Variants in ENAH observed in about 807,000 individuals in gnomAD.
ENAH encodes ENAH actin regulator.
ENAH carries 23 observed loss-of-function variants against 78.7 expected under a neutral mutation model. That is an observed-to-expected ratio of 0.29 (90% CI 0.21 to 0.41). The LOEUF (loss-of-function observed/expected upper bound fraction) is 0.41. Ranked by LOEUF, ENAH falls within the 10% of genes least tolerant of loss-of-function variation. ENAH has a pLI of 1.00. For missense variants in ENAH, 544 were observed against 691.0 expected (o/e 0.79, Z 2.39); for synonymous variants, 226 against 241.0 (o/e 0.94, Z 0.58).
At chr1:225,634,538 C>G (rs191892067) in intron 1 of ENAH, among the ~76,000 whole-genome samples, 139 of 152,300 alleles carry the variant, frequency 9.1e-4, no homozygotes, top group Non-Finnish European at 1.7e-3. Flanking sequence ...AGGGAATTAT[C>G]TGGCCCCAAA....
At chr1:225,625,740 T>A (rs935875998) in intron 1 of ENAH, among the ~76,000 whole-genome samples, 3 of 152,176 alleles carry the variant, frequency 2.0e-5, no homozygotes, top group African/African-American at 7.2e-5. Context: ...GGTCTCAAAC[T>A]CCTGACCCCA....
At chr1:225,571,051 TA>T (rs2096759693) in intron 1 of ENAH, among the ~76,000 whole-genome samples, 1 of 152,020 alleles carries the variant, frequency 6.6e-6, no homozygotes, top group Admixed American at 6.6e-5. Flanking sequence ...TACTCAACAG[TA>T]AACTATTATT....
chr1:225,639,674 T>C (rs894940632), intron 1 of ENAH, among the ~76,000 whole-genome samples: 5 of 150,634 alleles, frequency 3.3e-5, no homozygotes, highest in African/African-American at 1.2e-4. Flanking sequence ...GTATCTGTTA[T>C]AGCAGCACAA....
At chr1:225,652,564 CA>C (rs1663227721) in intron 1 of ENAH, 121 bp downstream of exon 1, 5 of 1,097,150 alleles carry the variant, frequency 4.6e-6, no homozygotes, top group Middle Eastern at 6.7e-4. Context: ...GGGGGAGGAA[CA>C]GACCGGAGAC....
chr1:225,506,505 TTAATA>T (rs1388193080), intron 11 of ENAH, among the ~76,000 whole-genome samples: 1 of 152,136 alleles, frequency 6.6e-6, no homozygotes, highest in East Asian at 1.9e-4. Context: ...TGTTATGGGC[TTAATA>T]AATCAGCACT....
intron 7 of ENAH, among the ~76,000 whole-genome samples, chr1:225,513,512 A>G (rs1038620174): frequency 4.6e-5 from 7 of 152,204 alleles, no homozygotes; most frequent in Admixed American, 3.3e-4. Context: ...ATGTCATTGG[A>G]CTATAGATGA....
At chr1:225,607,910 G>A (rs1164771932) in intron 1 of ENAH, among the ~76,000 whole-genome samples, 1 of 152,136 alleles carries the variant, frequency 6.6e-6, no homozygotes, top group East Asian at 1.9e-4. Flanking sequence ...ACCATGGAAA[G>A]ACTTCCCAAC....
At chr1:225,517,146 T>C (rs753528410) in intron 6 of ENAH, 50 bp downstream of exon 6, 21 of 1,430,598 alleles carry the variant, frequency 1.5e-5, no homozygotes, top group Non-Finnish European at 2.0e-5. Flanking sequence ...GTCACTGCTA[T>C]ATAACATTTT....
chr1:225,589,727 C>G (rs1483808700), intron 1 of ENAH, among the ~76,000 whole-genome samples: 1 of 152,004 alleles, frequency 6.6e-6, no homozygotes, highest in Non-Finnish European at 1.5e-5. Flanking sequence ...GATGGAGAGA[C>G]AGATGTGTGA....
At chr1:225,513,702 C>T (rs964629754) in intron 7 of ENAH, among the ~76,000 whole-genome samples, 14 of 152,066 alleles carry the variant, frequency 9.2e-5, no homozygotes, top group African/African-American at 3.4e-4. Flanking sequence ...AACAAAAGTG[C>T]ATGTGTAGGC....
chr1:225,598,371 TACAG>T (rs946740342), intron 1 of ENAH, among the ~76,000 whole-genome samples: 1 of 150,092 alleles, frequency 6.7e-6, no homozygotes, highest in African/African-American at 2.5e-5. Context: ...AAAGCACAAA[TACAG>T]AGAGAGTGAA....
chr1:225,652,720 A>G lies in ENAH; in HGVS notation c.-30T>C, dbSNP rs1377452640. 1 of 1,314,922 alleles carries G rather than the reference A, an allele frequency of 7.6e-7. No individual in the cohort carries two copies. Among genetic ancestry groups the G allele is most frequent in the South Asian group, 2.2e-5 (1 of 45,462 alleles). 81.5% of individuals were successfully genotyped at this position (1,314,922 alleles called of 1,614,324 possible). A position where few individuals can be genotyped will look rare whatever the true frequency, so the allele number is the denominator to read the frequency against. On this transcript the variant is annotated 5_prime_UTR_variant, in exon 1 of 14. Transcript: ENST00000366843. ...CCGGCGGCGCAGAGGCTTCCCCACC[A>G]GCCGGGAGACGCAGAAGGCGCCGAG... is the stretch of plus-strand genomic sequence containing the variant.
chr1:225,605,164 G>A (rs2148048844), intron 1 of ENAH, among the ~76,000 whole-genome samples: 1 of 152,290 alleles, frequency 6.6e-6, no homozygotes, highest in South Asian at 2.1e-4. Context: ...TGAATCTTAA[G>A]AAACTGCTGA....
intron 2 of ENAH, among the ~76,000 whole-genome samples, chr1:225,559,841 C>T (rs986822478): frequency 6.6e-6 from 1 of 152,188 alleles, no homozygotes; most frequent in Non-Finnish European, 1.5e-5. Flanking sequence ...CCCCAACTCA[C>T]GCCTTCTACA....
intron 3 of ENAH, among the ~76,000 whole-genome samples, chr1:225,538,630 T>C (rs1459567770): frequency 6.6e-5 from 10 of 152,118 alleles, no homozygotes. Context: ...ATCCTTTATT[T>C]CTTGCAATCC....
chr1:225,541,327 C>G (rs964157130), intron 3 of ENAH, among the ~76,000 whole-genome samples: 1 of 151,998 alleles, frequency 6.6e-6, no homozygotes, highest in African/African-American at 2.4e-5. Flanking sequence ...CCCAGCTACT[C>G]AGGAGGCTGA....
chr1:225,505,375 C>G (rs971169647), intron 11 of ENAH, among the ~76,000 whole-genome samples: 14 of 152,168 alleles, frequency 9.2e-5, no homozygotes, highest in South Asian at 2.1e-4. Context: ...ATCTTGAATA[C>G]AAGATCTGTA....
At chr1:225,579,285 A>G (rs948677191) in intron 1 of ENAH, among the ~76,000 whole-genome samples, 1 of 152,236 alleles carries the variant, frequency 6.6e-6, no homozygotes, top group African/African-American at 2.4e-5. Flanking sequence ...TTATTTCCAC[A>G]TTATACTTCA....
At chr1:225,599,454 A>G (rs1029398552) in intron 1 of ENAH, among the ~76,000 whole-genome samples, 2 of 152,158 alleles carry the variant, frequency 1.3e-5, no homozygotes, top group Admixed American at 6.5e-5. Context: ...CACACTGCGG[A>G]GTAAAGTGCT....
Sources: allele counts gnomAD v4.1 joint callset (sites outside exome capture counted in the v4.1 genomes callset), GRCh38; gene constraint gnomAD v4.1.1; transcripts MANE v1.5; gene names NCBI Gene and HGNC (gene_info 2026-07-23, HGNC 2026-07-21).